Variants in EYS observed in about 807,000 individuals in gnomAD.
EYS encodes EGF-like photoreceptor maintenance factor, also known as protein eyes shut homolog.
Under a neutral mutation model 282.1 loss-of-function variants are expected in EYS, and 250 were observed. The ratio of observed to expected loss-of-function variants is 0.89; its 90% CI spans 0.80 to 0.98. EYS has a LOEUF of 0.98. Ranked by LOEUF, EYS falls within the 50% of genes least tolerant of loss-of-function variation. The pLI is 0.00. For missense variants in EYS, 4,016 were observed against 3,709.0 expected (o/e 1.08, Z -2.15); for synonymous variants, 1,355 against 1,282.9 (o/e 1.06, Z -1.20).
At chr6:65,536,847 T>C (rs1039017030) in intron 2 of EYS, among the ~76,000 whole-genome samples, 1 of 152,160 alleles carries the variant, frequency 6.6e-6, no homozygotes, top group Admixed American at 6.5e-5. Context: ...AATTAACCTA[T>C]AAATTTCAAT....
chr6:64,162,814 C>T (rs1338353566), intron 31 of EYS, among the ~76,000 whole-genome samples: 5 of 152,074 alleles, frequency 3.3e-5, no homozygotes, highest in Non-Finnish European at 7.4e-5. Flanking sequence ...AAAGATTATG[C>T]TACTAAATTA....
intron 19 of EYS, among the ~76,000 whole-genome samples, chr6:64,841,196 CATAG>C (rs1765553808): frequency 6.6e-6 from 1 of 151,996 alleles, no homozygotes; most frequent in South Asian, 2.1e-4. Context: ...AGAATCAGTC[CATAG>C]ATAAACACTA....
chr6:65,552,920 C>T (rs1200373527), intron 2 of EYS, among the ~76,000 whole-genome samples: 2 of 150,076 alleles, frequency 1.3e-5, no homozygotes, highest in African/African-American at 2.4e-5. Flanking sequence ...ACAATAAAGC[C>T]AAATATCGAG....
intron 36 of EYS, among the ~76,000 whole-genome samples, chr6:63,813,731 G>A (rs1771106545): frequency 6.6e-6 from 1 of 152,044 alleles, no homozygotes; most frequent in Non-Finnish European, 1.5e-5. Context: ...ACCAGGGAGC[G>A]CTGAGCTAGT....
At chr6:64,051,733 A>G (rs183321106) in intron 33 of EYS, among the ~76,000 whole-genome samples, 8 of 152,240 alleles carry the variant, frequency 5.3e-5, no homozygotes, top group African/African-American at 1.9e-4. Context: ...AAGAGGAGTT[A>G]TTTGATTTGG....
chr6:65,672,251 A>G (rs1466998726), intron 1 of EYS, among the ~76,000 whole-genome samples: 1 of 152,118 alleles, frequency 6.6e-6, no homozygotes, highest in East Asian at 1.9e-4. Context: ...TCAGAGCACT[A>G]AAGGGAGCTG....
intron 14 of EYS, among the ~76,000 whole-genome samples, chr6:64,968,704 C>G (rs1295729949): frequency 2.6e-5 from 4 of 152,120 alleles, no homozygotes; most frequent in Non-Finnish European, 2.9e-5. Context: ...TAGTCAATAG[C>G]CCCATTGGCT....
intron 8 of EYS, among the ~76,000 whole-genome samples, chr6:65,381,929 C>T (rs1348736727): frequency 6.6e-6 from 1 of 151,844 alleles, no homozygotes; most frequent in Non-Finnish European, 1.5e-5. Flanking sequence ...TAGGCATCAA[C>T]TGGTTTCTGG....
chr6:65,332,444 T>C (rs539458338), intron 11 of EYS: 2 of 1,380,632 alleles, frequency 1.4e-6, no homozygotes, highest in Admixed American at 2.0e-5. Context: ...GAAGAATTAA[T>C]ATTTTAGCTA....
At chr6:65,551,114 T>A (rs1768597329) in intron 2 of EYS, among the ~76,000 whole-genome samples, 1 of 49,164 alleles carries the variant, frequency 2.0e-5, no homozygotes, top group Non-Finnish European at 3.2e-5. Context: ...GAATCCAACT[T>A]ACAAGGGATG....
chr6:64,105,471 T>C (rs1772978697), intron 31 of EYS, among the ~76,000 whole-genome samples: 1 of 152,140 alleles, frequency 6.6e-6, no homozygotes, highest in Admixed American at 6.6e-5. Flanking sequence ...ATAGTTTACG[T>C]TGGAGTTCAC....
intron 35 of EYS, among the ~76,000 whole-genome samples, chr6:63,973,095 G>C (rs1357906195): frequency 6.6e-6 from 1 of 151,914 alleles, no homozygotes; most frequent in African/African-American, 2.4e-5. Flanking sequence ...TGGGTCAAAT[G>C]GTATTTCTCA....
At chr6:64,074,278 G>A (rs1771688926) in intron 32 of EYS, among the ~76,000 whole-genome samples, 1 of 151,142 alleles carries the variant, frequency 6.6e-6, no homozygotes, top group Admixed American at 6.6e-5. Context: ...ATAGTTTTTA[G>A]AGAGATAATT....
chr6:64,847,070 G>A (rs1765738423), intron 19 of EYS, among the ~76,000 whole-genome samples: 2 of 152,092 alleles, frequency 1.3e-5, no homozygotes, highest in Non-Finnish European at 2.9e-5. Context: ...AAAAGGCAAA[G>A]TGAATTCTAC....
At chr6:64,682,883 C>T (rs1769949872) in intron 22 of EYS, among the ~76,000 whole-genome samples, 1 of 152,178 alleles carries the variant, frequency 6.6e-6, no homozygotes, top group African/African-American at 2.4e-5. Context: ...TGACTTATTT[C>T]TTCTGAGAAG....
chr6:64,809,276 T>G (rs991764201), intron 22 of EYS, among the ~76,000 whole-genome samples: 3 of 152,056 alleles, frequency 2.0e-5, no homozygotes, highest in Non-Finnish European at 4.4e-5. Flanking sequence ...ATATGAACTT[T>G]GAAAAAAATC....
intron 29 of EYS, among the ~76,000 whole-genome samples, chr6:64,353,531 A>G (rs545328978): frequency 1.8e-4 from 27 of 151,680 alleles, no homozygotes; most frequent in African/African-American, 6.5e-4. Context: ...TCAAAAGCAA[A>G]CAAATTTTTC....
At chr6:64,604,925 T>C (rs1938881468) in intron 24 of EYS, among the ~76,000 whole-genome samples, 1 of 152,060 alleles carries the variant, frequency 6.6e-6, no homozygotes, top group Non-Finnish European at 1.5e-5. Flanking sequence ...TGCATTGTTT[T>C]AGAGGCAAGG....
intron 14 of EYS, among the ~76,000 whole-genome samples, chr6:64,951,632 C>T (rs1302014490): frequency 6.6e-6 from 1 of 151,562 alleles, no homozygotes; most frequent in Admixed American, 6.6e-5. Context: ...TAGGGAATTC[C>T]ACTAGAAAAC....
Sources: allele counts gnomAD v4.1 joint callset (sites outside exome capture counted in the v4.1 genomes callset), GRCh38; gene constraint gnomAD v4.1.1; transcripts MANE v1.5; gene names NCBI Gene and HGNC (gene_info 2026-07-23, HGNC 2026-07-21).